The following JADE3 variants were observed in gnomAD, a reference collection of about 807,000 sequenced individuals.
The protein encoded by JADE3 is jade family PHD finger 3.
In JADE3, 2 loss-of-function variants were observed where a neutral mutation model predicts 50.1. The observed-to-expected ratio is 0.04, with a 90% CI of 0.02 to 0.13. JADE3 has a LOEUF of 0.13. Among genes scored for constraint, JADE3 ranks in the 10% least tolerant of loss-of-function variants. The probability of loss-of-function intolerance (pLI) is 1.00; values close to 1 mark genes in which losing one functional copy is unlikely to be tolerated. For missense variants in JADE3, 475 were observed against 634.4 expected, an observed-to-expected ratio of 0.75 and a Z score of 2.70; for synonymous variants, 218 against 232.9, an observed-to-expected ratio of 0.94 and a Z score of 0.58.
chrX:46,960,125 A>T (rs1556347367), intron 1 of JADE3, among the ~76,000 whole-genome samples: 1 of 110,246 alleles, frequency 9.1e-6, no homozygotes, highest in Non-Finnish European at 1.9e-5. Flanking sequence ...GTGTTCCTCT[A>T]TTCCTGTTCC....
intron 1 of JADE3, among the ~76,000 whole-genome samples, chrX:46,954,464 C>T (rs1160024214): frequency 1.8e-5 from 2 of 112,286 alleles, no homozygotes; most frequent in Middle Eastern, 4.6e-3. Flanking sequence ...AAATCCTAAA[C>T]GAGCAAAAAC....
chrX:46,945,546 C>T (rs1027194937), intron 1 of JADE3, among the ~76,000 whole-genome samples: 3 of 111,272 alleles, frequency 2.7e-5, no homozygotes, highest in Non-Finnish European at 3.8e-5. Flanking sequence ...GGCTGACCCA[C>T]TCATGCAGTA....
chrX:47,049,962 C>T, intron 8 of JADE3, among the ~76,000 whole-genome samples: 1 of 105,854 alleles, frequency 9.4e-6, no homozygotes, highest in East Asian at 2.9e-4. Context: ...TATTATTGTA[C>T]GTTTTTTGTT....
intron 4 of JADE3, among the ~76,000 whole-genome samples, chrX:47,007,185 A>G (rs949768994): frequency 1.8e-5 from 2 of 111,481 alleles, no homozygotes; most frequent in Non-Finnish European, 3.8e-5. Context: ...GGTTTATTTT[A>G]TGGCCCAGGA....
At chrX:46,929,659 G>A in intron 1 of JADE3, among the ~76,000 whole-genome samples, 1 of 111,955 alleles carries the variant, frequency 8.9e-6, no homozygotes, top group South Asian at 3.8e-4. Context: ...AGTAGTGTGT[G>A]TACCCTCTAG....
intron 1 of JADE3, among the ~76,000 whole-genome samples, chrX:46,966,539 T>C (rs1402270701): frequency 1.8e-5 from 2 of 111,168 alleles, no homozygotes; most frequent in Non-Finnish European, 3.8e-5. Context: ...AAAAAGCTTC[T>C]GGAAGCCAAA....
chrX:46,965,737 CAGCATTGTTTG>C (rs1927352280), intron 1 of JADE3, among the ~76,000 whole-genome samples: 1 of 111,816 alleles, frequency 8.9e-6, no homozygotes, highest in African/African-American at 3.3e-5. Context: ...TGCAGAGGTT[CAGCATTGTTTG>C]AGCATAAAAC....
At chrX:46,949,957 C>T (rs782108291) in intron 1 of JADE3, among the ~76,000 whole-genome samples, 5 of 111,536 alleles carry the variant, frequency 4.5e-5, no homozygotes, top group Non-Finnish European at 9.4e-5. Context: ...AACCCAAATG[C>T]CCTCCAGTAA....
intron 1 of JADE3, among the ~76,000 whole-genome samples, chrX:46,981,178 TA>T (rs1556352961): frequency 8.9e-6 from 1 of 112,231 alleles, no homozygotes; most frequent in Non-Finnish European, 1.9e-5. Flanking sequence ...CACTAAACTA[TA>T]AGATAGTAAA....
chrX:47,059,454 T>C lies in JADE3; in HGVS notation c.*377T>C, dbSNP rs1401192846. 1.6e-5 allele frequency: 2 copies of C among 128,135 alleles called. No individual in the cohort carries two copies. Among genetic ancestry groups the C allele is most frequent in the South Asian group, 3.1e-4 (1 of 3,212 alleles). The allele number at this position is 128,135 out of a possible 1,213,427, so 10.6% of individuals were successfully genotyped here. A position where few individuals can be genotyped will look rare whatever the true frequency, so the allele number is the denominator to read the frequency against. ...GATTATCAGACACTAAAACTACTTA[T>C]CTTTTGAAGCTACAGCATGTGACTC... On this transcript the variant is annotated 3_prime_UTR_variant, in exon 11 of 11. Coordinates refer to ENST00000614628, the MANE Select transcript of JADE3 (RefSeq NM_014735.5).
chrX:47,049,501 G>T (rs1929454975), intron 8 of JADE3, among the ~76,000 whole-genome samples: 1 of 106,383 alleles, frequency 9.4e-6, no homozygotes, highest in African/African-American at 3.4e-5. Context: ...CTATCGCCCA[G>T]GCCGGAGTGC....
chrX:46,978,928 C>A (rs1467400713), intron 1 of JADE3, among the ~76,000 whole-genome samples: 1 of 112,528 alleles, frequency 8.9e-6, no homozygotes, highest in Non-Finnish European at 1.9e-5. Context: ...GATTTACCAT[C>A]ATTGAATTAT....
At chrX:46,932,511 C>T (rs1316717281) in intron 1 of JADE3, among the ~76,000 whole-genome samples, 1 of 112,046 alleles carries the variant, frequency 8.9e-6, no homozygotes, top group Non-Finnish European at 1.9e-5. Context: ...CTGTTAGTTC[C>T]CTAATAAGTT....
At chrX:47,006,881 A>G (rs1928439284) in intron 4 of JADE3, among the ~76,000 whole-genome samples, 1 of 109,673 alleles carries the variant, frequency 9.1e-6, no homozygotes, top group Admixed American at 9.7e-5. Context: ...TCTTTCACCC[A>G]TGGATTATTT....
At position 46,967,518 on chromosome X, in the gene JADE3, G is replaced by C. The variant is rs782662785; in HGVS notation, c.-11-17366G>C. 3.6e-5 allele frequency among the ~76,000 whole-genome samples: 4 copies of C among 111,540 alleles called. No homozygotes were observed. The East Asian group carries it at 1.1e-3, about 31-fold the overall frequency. ...ATCTGGATGTTTTTGGTTTTCTAGG[G>C]CCAAGGGGAGGTAATTAGGTTCCAT... On this transcript the variant is annotated intron_variant, in intron 1 of 10. Transcript: ENST00000614628.
intron 7 of JADE3, among the ~76,000 whole-genome samples, chrX:47,034,814 G>A (rs917589990): frequency 5.9e-5 from 6 of 101,442 alleles, no homozygotes; most frequent in Non-Finnish European, 6.0e-5. Context: ...GGGTTTCACC[G>A]TGTTAGCCAG....
In JADE3 at chrX:47,013,457, G is replaced by A. The variant is rs1322064999; in HGVS notation, c.285-11267G>A. ...ACTTTTTAAAAGTTAATGGAATAAT[G>A]GAATTAAGTGATGAAAATTAAAAAT... On this transcript the variant is annotated intron_variant, in intron 4 of 10. Transcript: ENST00000614628. Among the ~76,000 whole-genome samples, 6 of 111,959 alleles carry A rather than the reference G, an allele frequency of 5.4e-5. No individual in the cohort carries two copies. In the East Asian group the frequency reaches 1.7e-3, roughly 31 times the overall value.
intron 9 of JADE3, 113 bp from the exon 10 acceptor site, chrX:47,055,969 C>A: frequency 2.2e-6 from 1 of 447,240 alleles, no homozygotes; most frequent in South Asian, 4.4e-5. Context: ...TGGATTCTGT[C>A]TTCTCTCCTC....
intron 7 of JADE3, among the ~76,000 whole-genome samples, chrX:47,036,442 A>T (rs1331766036): frequency 9.0e-6 from 1 of 110,732 alleles, no homozygotes; most frequent in African/African-American, 3.3e-5. Context: ...GGCAATCATT[A>T]AAAAAGTCAG....
Sources: gnomAD v4.1 joint callset for allele counts (sites outside exome capture counted in the v4.1 genomes callset) on GRCh38, gnomAD v4.1.1 for gene constraint, MANE v1.5 for transcripts, NCBI Gene and HGNC (gene_info 2026-07-23, HGNC 2026-07-21) for gene names.